The following SCHIP1 variants were observed in gnomAD, a reference collection of about 807,000 sequenced individuals.
SCHIP1 encodes schwannomin-interacting protein 1.
A neutral mutation model predicts 29.7 loss-of-function variants in SCHIP1; 8 were observed. The ratio of observed to expected loss-of-function variants is 0.27; its 90% confidence interval spans 0.16 to 0.49. SCHIP1 has a LOEUF of 0.49. SCHIP1 is among the 20% of genes least tolerant of loss of function. SCHIP1 has a pLI of 0.99. For missense variants in SCHIP1, 193 were observed against 294.6 expected (o/e 0.66, Z 2.52); for synonymous variants, 76 against 94.9 (o/e 0.80, Z 1.16).
the SCHIP1 span, among the ~76,000 whole-genome samples, chr3:159,583,347 A>C: frequency 6.6e-6 from 1 of 152,152 alleles, no homozygotes; most frequent in South Asian, 2.1e-4. Flanking sequence ...GAGACCCACA[A>C]AGCAGTCCAA....
At chr3:159,375,823 C>G in the SCHIP1 span, 1 of 828,788 alleles carries the variant, frequency 1.2e-6, no homozygotes, top group Non-Finnish European at 1.5e-6. Flanking sequence ...GCTAGACAGG[C>G]AGGAATCATC....
At chr3:159,811,965 TTTGTTTTTG>T in the SCHIP1 span, among the ~76,000 whole-genome samples, 3 of 143,136 alleles carry the variant, frequency 2.1e-5, no homozygotes, top group African/African-American at 5.3e-5. Flanking sequence ...TGTAGTTTTT[TTTGTTTTTG>T]TTTTTGTTTT....
At chr3:159,418,433 C>T in the SCHIP1 span, among the ~76,000 whole-genome samples, 1 of 152,188 alleles carries the variant, frequency 6.6e-6, no homozygotes, top group Admixed American at 6.5e-5. Flanking sequence ...TAAAAACTTG[C>T]TTCTAAACTG....
At chr3:159,468,695 T>G in the SCHIP1 span, among the ~76,000 whole-genome samples, 1 of 146,060 alleles carries the variant, frequency 6.8e-6, no homozygotes, top group African/African-American at 2.5e-5. Context: ...GAACTGCCAA[T>G]CAATAGGGAA....
the SCHIP1 span, among the ~76,000 whole-genome samples, chr3:159,523,803 A>T: frequency 1.3e-5 from 2 of 152,234 alleles, no homozygotes; most frequent in African/African-American, 4.8e-5. Flanking sequence ...TTGCGCACTT[A>T]GGAGTCAGAT....
At chr3:159,395,436 TG>T in the SCHIP1 span, among the ~76,000 whole-genome samples, 1 of 152,112 alleles carries the variant, frequency 6.6e-6, no homozygotes, top group African/African-American at 2.4e-5. Flanking sequence ...GGATCTTTCC[TG>T]CTTTCTCTTT....
At chr3:159,720,382 A>T in the SCHIP1 span, among the ~76,000 whole-genome samples, 15 of 147,620 alleles carry the variant, frequency 1.0e-4, no homozygotes, top group Admixed American at 9.1e-4. Flanking sequence ...CTTAAAGTAT[A>T]AAAAAAAATT....
At chr3:159,649,776 G>A in the SCHIP1 span, among the ~76,000 whole-genome samples, 2 of 152,124 alleles carry the variant, frequency 1.3e-5, no homozygotes, top group Non-Finnish European at 2.9e-5. Context: ...CTCAGTGAAA[G>A]TTCATCAATG....
the SCHIP1 span, among the ~76,000 whole-genome samples, chr3:159,620,011 C>A: frequency 3.3e-5 from 5 of 152,142 alleles, no homozygotes; most frequent in Non-Finnish European, 7.3e-5. Context: ...GTAGAAAATA[C>A]ATTTATCTCA....
the SCHIP1 span, among the ~76,000 whole-genome samples, chr3:159,635,300 T>G: frequency 6.6e-6 from 1 of 152,140 alleles, no homozygotes; most frequent in South Asian, 2.1e-4. Context: ...CCTTCTACTT[T>G]TAGTTGCTGG....
the SCHIP1 span, among the ~76,000 whole-genome samples, chr3:159,521,436 G>C: frequency 1.2e-4 from 19 of 152,180 alleles, no homozygotes; most frequent in African/African-American, 4.1e-4. Flanking sequence ...TGGATTTATG[G>C]CTTCTTTAGA....
chr3:159,379,756 C>G, the SCHIP1 span, among the ~76,000 whole-genome samples: 3 of 151,048 alleles, frequency 2.0e-5, no homozygotes, highest in Non-Finnish European at 4.4e-5. Context: ...AAAAGAAAAG[C>G]TGCCTGGCTT....
chr3:159,593,900 G>A, the SCHIP1 span, among the ~76,000 whole-genome samples: 1 of 152,128 alleles, frequency 6.6e-6, no homozygotes, highest in South Asian at 2.1e-4. Flanking sequence ...TGCATCCAGA[G>A]CTCCTGGCTC....
the SCHIP1 span, among the ~76,000 whole-genome samples, chr3:159,760,108 T>C: frequency 2.9e-3 from 443 of 151,924 alleles, 1 homozygote; most frequent in South Asian, 0.011. Flanking sequence ...ATACAGCACA[T>C]AGTTCATAAC....
At chr3:159,606,888 C>A in the SCHIP1 span, among the ~76,000 whole-genome samples, 1 of 152,168 alleles carries the variant, frequency 6.6e-6, no homozygotes, top group Non-Finnish European at 1.5e-5. Flanking sequence ...ATGTGACCCA[C>A]AAGTGCTTAA....
chr3:159,541,442 T>C, the SCHIP1 span, among the ~76,000 whole-genome samples: 2 of 152,064 alleles, frequency 1.3e-5, no homozygotes, highest in Non-Finnish European at 2.9e-5. Flanking sequence ...TCTTCCTTTT[T>C]TCTTCTGATT....
At chr3:159,569,906 C>G in the SCHIP1 span, among the ~76,000 whole-genome samples, 9 of 152,216 alleles carry the variant, frequency 5.9e-5, no homozygotes, top group Admixed American at 2.0e-4. Flanking sequence ...ATTTGCATTT[C>G]TCTGATGACC....
At chr3:159,545,588 CTG>C in the SCHIP1 span, among the ~76,000 whole-genome samples, 56 of 146,892 alleles carry the variant, frequency 3.8e-4, no homozygotes, top group African/African-American at 6.7e-4. Flanking sequence ...ATATATATGT[CTG>C]TGTGTGTGTG....
chr3:159,613,627 A>G, the SCHIP1 span, among the ~76,000 whole-genome samples: 1 of 152,180 alleles, frequency 6.6e-6, no homozygotes, highest in African/African-American at 2.4e-5. Flanking sequence ...CAAAATATGC[A>G]GGGCACTCAT....
Sources: gnomAD v4.1 joint callset for allele counts (sites outside exome capture counted in the v4.1 genomes callset) on GRCh38, gnomAD v4.1.1 for gene constraint, MANE v1.5 for transcripts, NCBI Gene and HGNC (gene_info 2026-07-23, HGNC 2026-07-21) for gene names.